The following SYT2 variants were observed in gnomAD, a reference collection of about 807,000 sequenced individuals.
SYT2 encodes synaptotagmin 2, also known as synaptotagmin-2.
Under a neutral mutation model 39.9 loss-of-function variants are expected in SYT2, and 15 were observed. The observed-to-expected ratio is 0.38, with a 90% confidence interval of 0.25 to 0.58. The LOEUF (loss-of-function observed/expected upper bound fraction) is 0.58. SYT2 is among the 20% of genes least tolerant of loss of function. SYT2 has a pLI of 0.70. For missense variants in SYT2, 389 were observed against 530.3 expected (o/e 0.73, Z 2.62); for synonymous variants, 181 against 204.5 (o/e 0.89, Z 0.98).
intron 1 of SYT2, among the ~76,000 whole-genome samples, chr1:202,615,668 T>C (rs1169042863): frequency 6.6e-6 from 1 of 152,188 alleles, no homozygotes; most frequent in East Asian, 1.9e-4. Flanking sequence ...CCACAGGCAT[T>C]TCCTGTCCTT....
chr1:202,702,809 C>T (rs1477172440), intron 1 of SYT2, among the ~76,000 whole-genome samples: 1 of 152,202 alleles, frequency 6.6e-6, no homozygotes, highest in African/African-American at 2.4e-5. Flanking sequence ...AAGACCTGTA[C>T]ATTTGTTAAA....
At chr1:202,657,825 G>A (rs1440831202) in intron 1 of SYT2, among the ~76,000 whole-genome samples, 1 of 152,010 alleles carries the variant, frequency 6.6e-6, no homozygotes, top group African/African-American at 2.4e-5. Flanking sequence ...CGGGGTCAGG[G>A]CCCTGCGGAG....
chr1:202,634,882 G>C (rs935688680), intron 1 of SYT2, among the ~76,000 whole-genome samples: 1 of 152,174 alleles, frequency 6.6e-6, no homozygotes, highest in Non-Finnish European at 1.5e-5. Context: ...TGGGAGGAAT[G>C]GAAGAATCGA....
At chr1:202,604,324 T>C (rs1256672396) in intron 3 of SYT2, 131 bp downstream of exon 3, 2 of 907,140 alleles carry the variant, frequency 2.2e-6, no homozygotes, top group East Asian at 2.4e-5. Flanking sequence ...GAGATGTAAC[T>C]GAGAGAGCCA....
rs545590268 is a variant in SYT2, at chr1:202,654,145, AT to A, written c.-17-48357del. ...AGCCACAGCTGAGCTTACTGGGGAA[AT>A]TAGGGTGACATTGGTGCAAATAATT... is the stretch of plus-strand genomic sequence containing the variant. On this transcript the variant is annotated intron_variant, in intron 1 of 8. Coordinates refer to ENST00000367268, the MANE Select transcript of SYT2 (RefSeq NM_177402.5). 1.3e-3 allele frequency among the ~76,000 whole-genome samples: 196 copies of A among 152,328 alleles called. 3 individuals are homozygous for A. The highest frequency in any genetic ancestry group is 5.3e-3 in the Admixed American group (81 of 15,288).
At chr1:202,669,232 T>C (rs1173219849) in intron 1 of SYT2, among the ~76,000 whole-genome samples, 1 of 152,192 alleles carries the variant, frequency 6.6e-6, no homozygotes, top group Non-Finnish European at 1.5e-5. Context: ...TTAATTTTTA[T>C]CTTTAGCACA....
At chr1:202,640,734 CAGAGAGAGAGAGAGAGAG>C (rs56979202) in intron 1 of SYT2, among the ~76,000 whole-genome samples, 2,401 of 90,738 alleles carry the variant, frequency 0.026, 60 homozygotes, top group South Asian at 0.077. Flanking sequence ...TCCTAATGGT[CAGAGAGAGAGAGAGAGAG>C]AGAGAGAGAG....
chr1:202,709,923 G>T (rs1189950447), intron 1 of SYT2, among the ~76,000 whole-genome samples: 3 of 152,058 alleles, frequency 2.0e-5, no homozygotes, highest in African/African-American at 7.2e-5. Context: ...AGAGAGGGAC[G>T]GGGGCGCAGA....
In SYT2 at chr1:202,673,697, C is replaced by T. The variant is rs895042902; in HGVS notation, c.-18+36561G>A. ...CCTTGCCCTGGACAGCCCCAGCTGC[C>T]GGCACACCCCTTGCAGATTTACTAC... is the stretch of plus-strand genomic sequence containing the variant. On this transcript the variant is annotated intron_variant, in intron 1 of 8. Coordinates refer to ENST00000367268, the MANE Select transcript of SYT2 (RefSeq NM_177402.5). Among the ~76,000 whole-genome samples the T allele has an allele frequency of 2.6e-5, 4 of 152,338 alleles. No homozygotes were observed. In the East Asian group the frequency reaches 5.8e-4, roughly 22 times the overall value.
chr1:202,670,394 G>GGGAGCTACTGGCTGAAAACTGTGGT (rs1558455996), intron 1 of SYT2, among the ~76,000 whole-genome samples: 1 of 152,168 alleles, frequency 6.6e-6, no homozygotes, highest in Non-Finnish European at 1.5e-5. Flanking sequence ...TTGGTGCCCA[G>GGGAGCTACTGGCTGAAAACTGTGGT]GGAGCTACTG....
intron 1 of SYT2, among the ~76,000 whole-genome samples, chr1:202,670,067 G>T (rs1692559589): frequency 1.3e-5 from 2 of 152,198 alleles, no homozygotes; most frequent in Non-Finnish European, 2.9e-5. Context: ...CGTGAGGAAG[G>T]AGGGCTTGTG....
chr1:202,602,628 A>G (rs967078682), intron 4 of SYT2, 83 bp from the exon 5 acceptor site: 2 of 1,396,646 alleles, frequency 1.4e-6, no homozygotes, highest in Admixed American at 2.2e-5. Context: ...GCACCCACCA[A>G]TTCCGTCCCA....
chr1:202,708,921 G>C (rs543642100), intron 1 of SYT2, among the ~76,000 whole-genome samples: 1 of 152,202 alleles, frequency 6.6e-6, no homozygotes, highest in Non-Finnish European at 1.5e-5. Flanking sequence ...GGGCTTCCCT[G>C]CTTCTGTCAC....
At chr1:202,692,624 G>A (rs571023076) in intron 1 of SYT2, among the ~76,000 whole-genome samples, 39 of 152,354 alleles carry the variant, frequency 2.6e-4, no homozygotes, top group Admixed American at 7.8e-4. Context: ...ATTGAGCTTG[G>A]AGCTCATCCT....
chr1:202,660,775 G>A (rs752865094), intron 1 of SYT2, among the ~76,000 whole-genome samples: 11 of 152,152 alleles, frequency 7.2e-5, no homozygotes, highest in African/African-American at 1.2e-4. Flanking sequence ...AAGCCACCGC[G>A]TCATGCCGGT....
chr1:202,665,641 A>G (rs567126452), intron 1 of SYT2, among the ~76,000 whole-genome samples: 1 of 152,122 alleles, frequency 6.6e-6, no homozygotes, highest in Non-Finnish European at 1.5e-5. Flanking sequence ...GTCTGTTTCC[A>G]TACTTCCTCA....
rs114506767 is a variant in SYT2 at position 202,663,981 on chromosome 1, T to C, written c.-18+46277A>G. Among the ~76,000 whole-genome samples the C allele has an allele frequency of 2.8e-3, 432 of 152,302 alleles. 3 individuals carry two copies. Among genetic ancestry groups the C allele is most frequent in the African/African-American group, 0.01 (416 of 41,564 alleles). ...AAACTCCAGGATTCCACAAGCACAG[T>C]GCCCTCTGGAATCTGCAATGAGGCA... On this transcript the variant is annotated intron_variant, in intron 1 of 8. Coordinates refer to ENST00000367268, the MANE Select transcript of SYT2 (RefSeq NM_177402.5).
chr1:202,647,723 A>G (rs1044141345), intron 1 of SYT2, among the ~76,000 whole-genome samples: 1 of 152,160 alleles, frequency 6.6e-6, no homozygotes, highest in African/African-American at 2.4e-5. Flanking sequence ...ATTCCCTTCC[A>G]GAAACGAAGC....
At chr1:202,652,731 C>T (rs1431139862) in intron 1 of SYT2, among the ~76,000 whole-genome samples, 4 of 152,200 alleles carry the variant, frequency 2.6e-5, no homozygotes, top group African/African-American at 9.6e-5. Flanking sequence ...GAGAGGACTG[C>T]TTCGGTGGAA....
Sources: allele counts gnomAD v4.1 joint callset (sites outside exome capture counted in the v4.1 genomes callset), GRCh38; gene constraint gnomAD v4.1.1; transcripts MANE v1.5; gene names NCBI Gene and HGNC (gene_info 2026-07-23, HGNC 2026-07-21).